Variants in PDE8A observed in about 807,000 individuals in gnomAD.
The protein encoded by PDE8A is phosphodiesterase 8A.
In PDE8A, 59 loss-of-function variants were observed where a neutral mutation model predicts 105.0. The observed-to-expected ratio is 0.56, with a 90% CI of 0.46 to 0.70. The LOEUF is 0.70. PDE8A is among the 30% of genes least tolerant of loss of function. The pLI is 0.00. For missense variants in PDE8A, 1,014 were observed against 1,045.9 expected (o/e 0.97, Z 0.42); for synonymous variants, 355 against 371.9 (o/e 0.95, Z 0.52).
intron 1 of PDE8A, among the ~76,000 whole-genome samples, chr15:85,049,516 A>G (rs2080939481): frequency 6.6e-6 from 1 of 152,232 alleles, no homozygotes; most frequent in Non-Finnish European, 1.5e-5. Flanking sequence ...CATAGCATAT[A>G]TGTCAGAATT....
At chr15:84,981,342 G>T (rs2079704164), upstream of PDE8A, among the ~76,000 whole-genome samples, 1 of 152,196 alleles carries the variant, frequency 6.6e-6, no homozygotes, top group African/African-American at 2.4e-5. Flanking sequence ...CACCGCTGGG[G>T]GCTCGGCGCG....
chr15:85,069,788 G>C (rs1194324374), intron 3 of PDE8A, among the ~76,000 whole-genome samples: 1 of 152,120 alleles, frequency 6.6e-6, no homozygotes, highest in Non-Finnish European at 1.5e-5. Context: ...TCACAGCCTT[G>C]GTCAAGAATC....
chr15:85,008,947 G>T (rs902465230), intron 1 of PDE8A, among the ~76,000 whole-genome samples: 2 of 152,146 alleles, frequency 1.3e-5, no homozygotes, highest in African/African-American at 4.8e-5. Context: ...TCCCAAGCTG[G>T]TCTGTCCCTT....
intron 3 of PDE8A, among the ~76,000 whole-genome samples, chr15:85,073,843 C>G (rs991472270): frequency 6.6e-6 from 1 of 152,196 alleles, no homozygotes; most frequent in Non-Finnish European, 1.5e-5. Flanking sequence ...CAGGCCTAAG[C>G]AGCCTTTCCC....
intron 14 of PDE8A, among the ~76,000 whole-genome samples, chr15:85,114,855 C>T (rs1317322392): frequency 6.6e-6 from 1 of 151,918 alleles, no homozygotes; most frequent in Non-Finnish European, 1.5e-5. Flanking sequence ...AGGATAGTGT[C>T]CTGGAGGCGA....
chr15:85,083,405 G>C, intron 5 of PDE8A, 151 bp from the exon 6 acceptor site: 2 of 515,834 alleles, frequency 3.9e-6, no homozygotes, highest in Non-Finnish European at 3.5e-6. Context: ...TGCCCATAAA[G>C]TTTCTCTCTT....
At chr15:85,062,554 T>A (rs2081163231) in intron 1 of PDE8A, 1 of 152,230 alleles carries the variant, frequency 6.6e-6, no homozygotes, top group Admixed American at 6.5e-5. Flanking sequence ...AGTGCAACAA[T>A]GCACCCCTTC....
intron 1 of PDE8A, among the ~76,000 whole-genome samples, chr15:85,018,370 A>T (rs1013990250): frequency 1.3e-5 from 2 of 152,182 alleles, no homozygotes; most frequent in South Asian, 2.1e-4. Flanking sequence ...TTGTTAAAAA[A>T]TTTTTGTGGT....
At chr15:85,078,160 A>AAAG (rs1300662448) in intron 5 of PDE8A, among the ~76,000 whole-genome samples, 3 of 150,968 alleles carry the variant, frequency 2.0e-5, no homozygotes, top group Non-Finnish European at 4.4e-5. Context: ...AAAAAAAAAA[A>AAAG]GAAAAGGACT....
intron 8 of PDE8A, among the ~76,000 whole-genome samples, chr15:85,096,709 T>C (rs1401973717): frequency 6.6e-6 from 1 of 152,024 alleles, no homozygotes; most frequent in East Asian, 1.9e-4. Flanking sequence ...TGGGCTGAGC[T>C]CCCCCTCAGA....
intron 1 of PDE8A, among the ~76,000 whole-genome samples, chr15:85,015,962 C>G (rs748029154): frequency 1.6e-4 from 25 of 152,186 alleles, no homozygotes; most frequent in Non-Finnish European, 2.8e-4. Flanking sequence ...ATGGCAAAAC[C>G]TCGTCTCTAT....
At chr15:84,985,732 G>T (rs1220851032) in intron 1 of PDE8A, among the ~76,000 whole-genome samples, 1 of 152,166 alleles carries the variant, frequency 6.6e-6, no homozygotes, top group Non-Finnish European at 1.5e-5. Context: ...TTGAATTAGA[G>T]AATTTTGTGA....
chr15:85,070,592 G>T (rs2081296670), intron 3 of PDE8A, among the ~76,000 whole-genome samples: 1 of 152,220 alleles, frequency 6.6e-6, no homozygotes, highest in African/African-American at 2.4e-5. Context: ...TGGAGAAAAT[G>T]TTCCAGGTAG....
intron 1 of PDE8A, among the ~76,000 whole-genome samples, chr15:85,010,990 G>A (rs1245576349): frequency 1.3e-5 from 2 of 152,104 alleles, no homozygotes; most frequent in African/African-American, 4.8e-5. Context: ...TGAGAAATAT[G>A]TCCTGGAAGT....
chr15:85,046,043 C>T (rs1354485740), intron 1 of PDE8A, among the ~76,000 whole-genome samples: 1 of 148,574 alleles, frequency 6.7e-6, no homozygotes, highest in Non-Finnish European at 1.5e-5. Flanking sequence ...TTAGGCTCTT[C>T]GTAAGATTCT....
At chr15:85,058,240 C>T (rs1438242170) in intron 1 of PDE8A, among the ~76,000 whole-genome samples, 1 of 152,100 alleles carries the variant, frequency 6.6e-6, no homozygotes, top group Non-Finnish European at 1.5e-5. Context: ...ACCACCATGA[C>T]CAGCTTTTTC....
chr15:85,025,868 C>G (rs1170360941), intron 1 of PDE8A, among the ~76,000 whole-genome samples: 1 of 152,156 alleles, frequency 6.6e-6, no homozygotes, highest in Admixed American at 6.6e-5. Context: ...CAGGTTTGGT[C>G]CCAGTGAGTC....
intron 1 of PDE8A, among the ~76,000 whole-genome samples, chr15:85,005,623 G>C (rs2142189665): frequency 6.6e-6 from 1 of 152,212 alleles, no homozygotes; most frequent in Non-Finnish European, 1.5e-5. Context: ...TGCTTAAGAA[G>C]CTAATTTGCA....
intron 16 of PDE8A, chr15:85,116,459 T>G (rs1331209371): frequency 8.0e-6 from 2 of 249,364 alleles, no homozygotes; most frequent in Non-Finnish European, 1.5e-5. Context: ...CCAAAATTTA[T>G]TAGAAACACA....
Sources: allele counts gnomAD v4.1 joint callset (sites outside exome capture counted in the v4.1 genomes callset), GRCh38; gene constraint gnomAD v4.1.1; transcripts MANE v1.5; gene names NCBI Gene and HGNC (gene_info 2026-07-23, HGNC 2026-07-21).